Variants in SERHL2 observed in about 807,000 individuals in gnomAD.
SERHL2 encodes the protein serine hydrolase-like protein 2.
SERHL2 carries 29 observed loss-of-function variants against 25.5 expected under a neutral mutation model. The observed-to-expected ratio is 1.14, with a 90% CI of 0.85 to 1.55. SERHL2 has a LOEUF of 1.55. Among genes scored for constraint, SERHL2 ranks in the 40% most tolerant of loss-of-function variants. The pLI, the probability that SERHL2 is intolerant of heterozygous loss-of-function variation, is 0.00. For missense variants in SERHL2, 240 were observed against 252.3 expected (o/e 0.95, Z 0.33); for synonymous variants, 95 against 103.5 (o/e 0.92, Z 0.50).
rs540053444 is a variant in SERHL2, at chr22:42,559,094, A to C, written c.533+637A>C. Among the ~76,000 whole-genome samples, 776 of 87,732 alleles carry C rather than the reference A, an allele frequency of 8.8e-3. 2 individuals carry two copies. The highest frequency in any genetic ancestry group is 0.019 in the African/African-American group (356 of 18,424). 57.6% of individuals were successfully genotyped at this position (87,732 alleles called of 152,430 possible). On this transcript the variant is annotated intron_variant, in intron 7 of 11. Transcript: ENST00000327678. ...ACACACCCTGCCGCTGTAAACATGCAATCGAAACACGGGACACAGGCCAGG... is the reference window on the plus strand; with the variant it reads ...ACACACCCTGCCGCTGTAAACATGCCATCGAAACACGGGACACAGGCCAGG...
intron 8 of SERHL2, among the ~76,000 whole-genome samples, chr22:42,565,620 G>A (rs920116619): frequency 9.2e-5 from 14 of 151,670 alleles, no homozygotes; most frequent in African/African-American, 3.1e-4. Flanking sequence ...CACCATGCCT[G>A]GCCTTGGCTA....
chr22:42,560,818 C>T (rs560568813), intron 8 of SERHL2, among the ~76,000 whole-genome samples: 3 of 152,094 alleles, frequency 2.0e-5, no homozygotes, highest in South Asian at 4.1e-4. Context: ...TCACTGCAGC[C>T]TCCACCTCCC....
At chr22:42,571,387 G>C in intron 10 of SERHL2, 184 bp downstream of exon 10, 1 of 1,409,080 alleles carries the variant, frequency 7.1e-7, no homozygotes, top group Non-Finnish European at 9.3e-7. Flanking sequence ...GTCAGAGGAG[G>C]GGAGGGCTCG....
intron 8 of SERHL2, among the ~76,000 whole-genome samples, chr22:42,562,709 A>G (rs955743823): frequency 2.0e-5 from 3 of 151,972 alleles, no homozygotes; most frequent in Admixed American, 2.0e-4. Flanking sequence ...AGGAGCTGGC[A>G]GGACAGGCCT....
chr22:42,573,539 C>G (rs951428641), intron 11 of SERHL2: 1 of 206,114 alleles, frequency 4.9e-6, no homozygotes, highest in African/African-American at 2.4e-5. Context: ...GGAATACAGG[C>G]GTGAGCCACT....
chr22:42,566,516 A>T (rs1387091923), intron 9 of SERHL2, among the ~76,000 whole-genome samples, 178 bp downstream of exon 9: 1 of 151,294 alleles, frequency 6.6e-6, no homozygotes, highest in East Asian at 1.9e-4. Context: ...AGATAGCACC[A>T]CTGCACTGCA....
At chr22:42,573,871 G>C (rs137054) in intron 11 of SERHL2, 65 bp from the exon 12 acceptor site, 1 of 1,502,138 alleles carries the variant, frequency 6.7e-7, no homozygotes. Flanking sequence ...CCCTGACCCC[G>C]GGGCCCATGG....
chr22:42,573,317 C>T (rs1467772365), intron 11 of SERHL2: 5 of 150,402 alleles, frequency 3.3e-5, no homozygotes, highest in South Asian at 2.1e-4. Flanking sequence ...GATCTCGGCT[C>T]ACTCCAAGTT....
chr22:42,563,790 T>G (rs1007543219), intron 8 of SERHL2, among the ~76,000 whole-genome samples: 2 of 151,996 alleles, frequency 1.3e-5, no homozygotes, highest in Admixed American at 1.3e-4. Flanking sequence ...TACAGATTTC[T>G]AGACCAGGCA....
rs147116851 is a variant in SERHL2, at chr22:42,572,256, C to T, written c.732-180C>T. ...TTGTGCCTGGCTTGTGCCAGCTGAGCATGAGCTGAGATTAACTGAGCCTCA... is the reference window on the plus strand; with the variant it reads ...TTGTGCCTGGCTTGTGCCAGCTGAGTATGAGCTGAGATTAACTGAGCCTCA... On this transcript the variant is annotated intron_variant, in intron 10 of 11. Transcript: ENST00000327678. Among the ~76,000 whole-genome samples, 290 of 152,204 alleles carry T rather than the reference C, an allele frequency of 1.9e-3. 6 individuals carry two copies. Among genetic ancestry groups the T allele is most frequent in the African/African-American group, 6.8e-3 (284 of 41,572 alleles).
intron 11 of SERHL2, chr22:42,572,823 C>G: frequency 3.8e-6 from 2 of 520,688 alleles, no homozygotes; most frequent in Non-Finnish European, 4.9e-6. Flanking sequence ...TGCCACCATG[C>G]CCAGCTAATT....
chr22:42,573,426 G>C (rs572771586), intron 11 of SERHL2: 1 of 152,720 alleles, frequency 6.5e-6, no homozygotes, highest in South Asian at 2.0e-4. Flanking sequence ...TGTATTTTTA[G>C]TAGAGACGGG....
chr22:42,560,565 C>G lies in SERHL2; in HGVS notation c.613+300C>G, dbSNP rs553547515. Among the ~76,000 whole-genome samples, 5 of 152,064 alleles carry G rather than the reference C, an allele frequency of 3.3e-5. No homozygotes were observed. The East Asian group carries it at 9.6e-4, about 29-fold the overall frequency. On this transcript the variant is annotated intron_variant, in intron 8 of 11. Transcript: ENST00000327678. The stretch of plus-strand genomic sequence containing the variant: ...ATGTCACGGCCATGCTCTGCTGGAT[C>G]TGGGGTGGGTGCCCAGCGCCAGAGG...
At position 42,574,107 on chromosome 22, in the gene SERHL2, C is replaced by T. The variant is rs1256400362; in HGVS notation, c.*52C>T. On this transcript the variant is annotated 3_prime_UTR_variant, in exon 12 of 12. Transcript: ENST00000327678. ...AGTGCTCCCAGACTCAACACTGGGA[C>T]TCTGAGTTCCTGAGCCCCACAACAA... is the stretch of plus-strand genomic sequence containing the variant. 6.6e-7 allele frequency: 1 copy of T among 1,521,962 alleles called. No individual in the cohort carries two copies. The highest frequency in any genetic ancestry group is 1.4e-5 in the African/African-American group (1 of 73,208). 94.3% of individuals were successfully genotyped at this position (1,521,962 alleles called of 1,614,324 possible).
chr22:42,563,496 G>T, intron 8 of SERHL2: 1 of 386,904 alleles, frequency 2.6e-6, no homozygotes, highest in Non-Finnish European at 5.2e-6. Context: ...GAGTCACCAT[G>T]CCCAGCCAAC....
rs1437434358 is a variant in SERHL2 at position 42,571,460 on chromosome 22, C to T, written c.731+257C>T. ...CCACAGGTGTCAGCGGGGGGCATGC[C>T]CAGGTAAGGCTCCATAACCAGTGAG... On this transcript the variant is annotated intron_variant, in intron 10 of 11. Transcript: ENST00000327678. The T allele has an allele frequency of 3.8e-6, 5 of 1,329,212 alleles. No homozygotes were observed. The African/African-American group carries it at 4.5e-5, about 12-fold the overall frequency. The allele number at this position is 1,329,212 out of a possible 1,614,324, so 82.3% of individuals were successfully genotyped here.
intron 5 of SERHL2, chr22:42,556,289 C>G (rs1922140111): frequency 1.9e-6 from 1 of 532,848 alleles, no homozygotes; most frequent in African/African-American, 2.0e-5. Flanking sequence ...CCCACCGCAC[C>G]CTGGAGTCCA....
chr22:42,573,745 G>A, intron 11 of SERHL2, 191 bp from the exon 12 acceptor site: 1 of 679,712 alleles, frequency 1.5e-6, no homozygotes, highest in East Asian at 2.6e-5. Context: ...AAGTCCCTAG[G>A]GTTAGACACC....
intron 8 of SERHL2, among the ~76,000 whole-genome samples, chr22:42,561,811 T>C (rs1922718947): frequency 6.6e-6 from 1 of 151,786 alleles, no homozygotes; most frequent in Non-Finnish European, 1.5e-5. Flanking sequence ...GCTGAACCTT[T>C]ATCTTGCCTC....
Sources: allele counts gnomAD v4.1 joint callset (sites outside exome capture counted in the v4.1 genomes callset), GRCh38; gene constraint gnomAD v4.1.1; transcripts MANE v1.5; gene names NCBI Gene and HGNC (gene_info 2026-07-23, HGNC 2026-07-21).